Variants in BRIP1 observed in about 807,000 individuals in gnomAD.
BRIP1 encodes the protein BRCA1 interacting DNA helicase 1, also known as Fanconi anemia group J protein.
In BRIP1, 88 loss-of-function variants were observed where a neutral mutation model predicts 119.7. The observed-to-expected ratio is 0.74, with a 90% CI of 0.62 to 0.88. BRIP1 has a LOEUF of 0.88. BRIP1 is among the 40% of genes least tolerant of loss of function. BRIP1 has a pLI of 0.00. For missense variants in BRIP1, 1,259 were observed against 1,455.4 expected (o/e 0.87, Z 2.20); for synonymous variants, 443 against 496.5 (o/e 0.89, Z 1.43).
In BRIP1 at chr17:61,825,622, C is replaced by CAAATAAAT. The variant is rs3034667; in HGVS notation, c.628-16873_628-16866dup. Among the ~76,000 whole-genome samples, 998 of 143,392 alleles carry CAAATAAAT rather than the reference C, an allele frequency of 7.0e-3. 4 individuals are homozygous for CAAATAAAT. Among genetic ancestry groups the CAAATAAAT allele is most frequent in the South Asian group, 0.013 (59 of 4,446 alleles). The allele number at this position is 143,392 out of a possible 152,430, so 94.1% of individuals were successfully genotyped here. On this transcript the variant is annotated intron_variant, in intron 6 of 19. Coordinates refer to ENST00000259008, the MANE Select transcript of BRIP1 (RefSeq NM_032043.3). This position sits in a 1 kb window ranked among gnomAD's most constrained non-coding sequence, Gnocchi z 4.1. Reference sequence around the variant, plus strand: ...AATGCAATCCCATTCACAATTGCCACAAATAAATAAATAAATAAATAAATA... The same window carrying CAAATAAAT: ...AATGCAATCCCATTCACAATTGCCACAAATAAATAAATAAATAAATAAATAAATAAATA...
chr17:61,793,446 G>C lies in BRIP1; in HGVS notation c.1473+151C>G. The C allele has an allele frequency of 1.5e-6, 1 of 677,272 alleles. No homozygotes were observed. The highest frequency in any genetic ancestry group is 2.4e-6 in the Non-Finnish European group (1 of 421,386). The allele number at this position is 677,272 out of a possible 1,614,324, so 42.0% of individuals were successfully genotyped here. On this transcript the variant is annotated intron_variant, in intron 10 of 19. Transcript: ENST00000259008. This position sits in a 1 kb window ranked among gnomAD's most constrained non-coding sequence, Gnocchi z 5.2. ...CAATTTACCCATGCCATCACTTAAA[G>C]ATTATCAAATTTAGATAATAAAATT...
chr17:61,780,809 G>T lies in BRIP1; in HGVS notation c.1794+31C>A. ...TTAAAATGCTGGTACTGAGCAAGAA[G>T]ACAAAATTTCCATTTACATGATGAG... On this transcript the variant is annotated intron_variant, in intron 12 of 19. Coordinates refer to ENST00000259008, the MANE Select transcript of BRIP1 (RefSeq NM_032043.3). The surrounding 1 kb of genome is among the most constrained non-coding windows in gnomAD (Gnocchi z 5.4). 1 of 1,606,202 alleles carries T rather than the reference G, an allele frequency of 6.2e-7. No individual in the cohort carries two copies. Among genetic ancestry groups the T allele is most frequent in the South Asian group, 1.1e-5 (1 of 90,868 alleles).
At chr17:61,854,213 G>A (rs2078862117) in intron 4 of BRIP1, among the ~76,000 whole-genome samples, 1 of 152,078 alleles carries the variant, frequency 6.6e-6, no homozygotes. Flanking sequence ...GGGTTGCAAT[G>A]AGCCAAGTGA....
In BRIP1 at chr17:61,705,746, T is replaced by TATTTTC. The variant is rs1365553854; in HGVS notation, c.2492+10199_2492+10204dup. Among the ~76,000 whole-genome samples the TATTTTC allele has an allele frequency of 1.3e-5, 2 of 152,196 alleles. No individual in the cohort carries two copies. Among genetic ancestry groups the TATTTTC allele is most frequent in the African/African-American group, 4.8e-5 (2 of 41,450 alleles). On this transcript the variant is annotated intron_variant, in intron 17 of 19. Transcript: ENST00000259008. The surrounding 1 kb of genome is among the most constrained non-coding windows in gnomAD (Gnocchi z 5.0). ...GCAGTCCTTACATTTTGATATGCTG[T>TATTTTC]ATTTTCATTTTTGATCAGTTCAAAA...
chr17:61,749,541 C>T (rs866280093), intron 14 of BRIP1, among the ~76,000 whole-genome samples: 13 of 151,920 alleles, frequency 8.6e-5, no homozygotes, highest in East Asian at 3.9e-4. Context: ...ATCAAAACCA[C>T]GATGAGATAT....
At chr17:61,781,616 G>A (rs1210625843) in intron 11 of BRIP1, among the ~76,000 whole-genome samples, 1 of 151,998 alleles carries the variant, frequency 6.6e-6, no homozygotes, top group Non-Finnish European at 1.5e-5. Flanking sequence ...CTAGAAAATG[G>A]TTAAGCTTAA....
At chr17:61,786,422 G>C (rs965712236) in intron 10 of BRIP1, among the ~76,000 whole-genome samples, 3 of 151,932 alleles carry the variant, frequency 2.0e-5, no homozygotes, top group East Asian at 1.9e-4. Flanking sequence ...GGATTGAGGA[G>C]TGGGTCAGAG....
rs2077185052 is a variant in BRIP1, at chr17:61,755,254, C to A, written c.2098-10663G>T. Reference sequence around the variant, plus strand: ...AAACATAACTGTAAAACCAGATGCCCAAGTCCTTAATAAAAGAAGAGTTGG... The same window carrying A: ...AAACATAACTGTAAAACCAGATGCCAAAGTCCTTAATAAAAGAAGAGTTGG... On this transcript the variant is annotated intron_variant, in intron 14 of 19. Coordinates refer to ENST00000259008, the MANE Select transcript of BRIP1 (RefSeq NM_032043.3). The surrounding 1 kb of genome is among the most constrained non-coding windows in gnomAD (Gnocchi z 4.5). Among the ~76,000 whole-genome samples the A allele has an allele frequency of 6.6e-6, 1 of 152,002 alleles. No homozygotes were observed. Among genetic ancestry groups the A allele is most frequent in the Admixed American group, 6.6e-5 (1 of 15,248 alleles).
At position 61,856,086 on chromosome 17, in the gene BRIP1, A is replaced by G. The variant is rs944436319; in HGVS notation, c.379+972T>C. Among the ~76,000 whole-genome samples, 2 of 152,196 alleles carry G rather than the reference A, an allele frequency of 1.3e-5. No individual in the cohort carries two copies. Among genetic ancestry groups the G allele is most frequent in the Non-Finnish European group, 2.9e-5 (2 of 68,032 alleles). On this transcript the variant is annotated intron_variant, in intron 4 of 19. Transcript: ENST00000259008. This position sits in a 1 kb window ranked among gnomAD's most constrained non-coding sequence, Gnocchi z 5.1. Reference sequence around the variant, plus strand: ...AGAAGCAAAGGCTCTGAGGAAGGAGAAAGCATAAATCTTTGAAGGAAAGGG... The same window carrying G: ...AGAAGCAAAGGCTCTGAGGAAGGAGGAAGCATAAATCTTTGAAGGAAAGGG...
rs562193016 is a variant in BRIP1, at chr17:61,858,656, C to T, written c.205+1140G>A. On this transcript the variant is annotated intron_variant, in intron 3 of 19. Transcript: ENST00000259008. ...CCAAAGTGCTGGGATTACAGGCGTGCGCCACTGTGCCCAGCCTTAATATAC... is the reference window on the plus strand; with the variant it reads ...CCAAAGTGCTGGGATTACAGGCGTGTGCCACTGTGCCCAGCCTTAATATAC... 7.2e-5 allele frequency among the ~76,000 whole-genome samples: 11 copies of T among 152,020 alleles called. No homozygotes were observed. In the East Asian group the frequency reaches 1.5e-3, roughly 21 times the overall value.
In BRIP1 at chr17:61,683,138, A is replaced by G. The variant is rs1978111; in HGVS notation, c.*158T>C. On this transcript the variant is annotated 3_prime_UTR_variant, in exon 20 of 20. Coordinates refer to ENST00000259008, the MANE Select transcript of BRIP1 (RefSeq NM_032043.3). This position sits in a 1 kb window ranked among gnomAD's most constrained non-coding sequence, Gnocchi z 4.7. ...AGACCAAGACTCTGTCTCAAAAAAAAAAACCCAAAAACTCAAGAATAATAA... is the reference window on the plus strand; with the variant it reads ...AGACCAAGACTCTGTCTCAAAAAAAGAAACCCAAAAACTCAAGAATAATAA... The G allele has an allele frequency of 0.59, 552,513 of 929,366 alleles. 170,514 individuals are homozygous for G. Among genetic ancestry groups the G allele is most frequent in the Admixed American group, 0.75 (25,880 of 34,378 alleles). The allele number at this position is 929,366 out of a possible 1,614,324, so 57.6% of individuals were successfully genotyped here.
intron 14 of BRIP1, among the ~76,000 whole-genome samples, chr17:61,764,774 C>G (rs1035911614): frequency 4.3e-4 from 66 of 151,892 alleles, no homozygotes; most frequent in African/African-American, 1.6e-3. Flanking sequence ...TATATTTATC[C>G]TTACATCCAT....
intron 18 of BRIP1, among the ~76,000 whole-genome samples, chr17:61,688,754 T>TAA (rs200908748): frequency 4.1e-5 from 5 of 120,936 alleles, no homozygotes; most frequent in Admixed American, 3.4e-4. Context: ...AACCAACCCT[T>TAA]AAAAAAAAAA....
rs550718324 is a variant in BRIP1, at chr17:61,738,900, T to C, written c.2379+4113A>G. Among the ~76,000 whole-genome samples the C allele has an allele frequency of 2.0e-5, 3 of 152,308 alleles. No homozygotes were observed. In the South Asian group the frequency reaches 6.2e-4, roughly 32 times the overall value. On this transcript the variant is annotated intron_variant, in intron 16 of 19. Coordinates refer to ENST00000259008, the MANE Select transcript of BRIP1 (RefSeq NM_032043.3). The surrounding 1 kb of genome is among the most constrained non-coding windows in gnomAD (Gnocchi z 4.2). ...CTCTTCTCCTCATATGTAATCAGAA[T>C]TATAATCTTGATGATCCTTTCAGGC...
At position 61,735,367 on chromosome 17, in the gene BRIP1, A is replaced by G. The variant is rs2076902883; in HGVS notation, c.2379+7646T>C. Among the ~76,000 whole-genome samples, 1 of 152,060 alleles carries G rather than the reference A, an allele frequency of 6.6e-6. No individual in the cohort carries two copies. The highest frequency in any genetic ancestry group is 2.4e-5 in the African/African-American group (1 of 41,390). The stretch of plus-strand genomic sequence containing the variant: ...CCTCACAATTTTATTAAGTTGTGTA[A>G]GACTCTGTATTGGCTGACTGGGGCT... On this transcript the variant is annotated intron_variant, in intron 16 of 19. Coordinates refer to ENST00000259008, the MANE Select transcript of BRIP1 (RefSeq NM_032043.3). The surrounding 1 kb of genome is among the most constrained non-coding windows in gnomAD (Gnocchi z 4.4).
chr17:61,727,786 CTCTCTA>C (rs761573721), intron 16 of BRIP1, among the ~76,000 whole-genome samples: 49 of 146,634 alleles, frequency 3.3e-4, no homozygotes, highest in Non-Finnish European at 5.7e-4. Flanking sequence ...CTCTCTCTCT[CTCTCTA>C]TATATATATA....
At position 61,753,779 on chromosome 17, in the gene BRIP1, C is replaced by G. The variant is rs1374286404; in HGVS notation, c.2098-9188G>C. 6.6e-6 allele frequency among the ~76,000 whole-genome samples: 1 copy of G among 151,814 alleles called. No individual in the cohort carries two copies. Among genetic ancestry groups the G allele is most frequent in the Non-Finnish European group, 1.5e-5 (1 of 67,932 alleles). On this transcript the variant is annotated intron_variant, in intron 14 of 19. Transcript: ENST00000259008. This position sits in a 1 kb window ranked among gnomAD's most constrained non-coding sequence, Gnocchi z 4.6. ...GCCATGTCTGGCTTGAAAAGAACAA[C>G]AACAACAACAACAACAAAAAACCAG... is the stretch of plus-strand genomic sequence containing the variant.
In BRIP1 at chr17:61,743,804, C is replaced by T. The variant is rs1193979664; in HGVS notation, c.2257+628G>A. ...CTGGGCTCAGGTAATCCTCCCACCT[C>T]GGCCTCCTAAGTAGTTGGAACTATA... On this transcript the variant is annotated intron_variant, in intron 15 of 19. Coordinates refer to ENST00000259008, the MANE Select transcript of BRIP1 (RefSeq NM_032043.3). The surrounding 1 kb of genome is among the most constrained non-coding windows in gnomAD (Gnocchi z 4.3). 3.3e-5 allele frequency among the ~76,000 whole-genome samples: 5 copies of T among 152,226 alleles called. No individual in the cohort carries two copies. The highest frequency in any genetic ancestry group is 3.9e-4 in the East Asian group (2 of 5,174).
chr17:61,849,379 T>C, intron 4 of BRIP1, 123 bp from the exon 5 acceptor site: 1 of 805,840 alleles, frequency 1.2e-6, no homozygotes. Context: ...ATCTAAAACA[T>C]GAAACTTAAA....
Sources: gnomAD v4.1 joint callset for allele counts (sites outside exome capture counted in the v4.1 genomes callset) on GRCh38, gnomAD v4.1.1 for gene constraint, Gnocchi (gnomAD v3.1) non-coding constraint, MANE v1.5 for transcripts, NCBI Gene and HGNC (gene_info 2026-07-23, HGNC 2026-07-21) for gene names.